Variants in ATAD3B observed in about 807,000 individuals in gnomAD.
ATAD3B encodes ATPase family AAA domain containing 3B.
ATAD3B carries 59 observed loss-of-function variants against 70.2 expected under a neutral mutation model. The observed-to-expected ratio is 0.84, with a 90% CI of 0.68 to 1.04. The LOEUF (loss-of-function observed/expected upper bound fraction) is 1.04. Ranked by LOEUF, ATAD3B falls within the 50% of genes least tolerant of loss-of-function variation. The pLI is 0.00. For missense variants in ATAD3B, 961 were observed against 913.4 expected, an observed-to-expected ratio of 1.05 and a Z score of -0.67; for synonymous variants, 423 against 388.6, an observed-to-expected ratio of 1.09 and a Z score of -1.04.
At chr1:1,479,608 A>AC (rs1484611317) in intron 4 of ATAD3B, among the ~76,000 whole-genome samples, 2 of 139,602 alleles carry the variant, frequency 1.4e-5, no homozygotes, top group East Asian at 2.2e-4. Flanking sequence ...CTGCACATAC[A>AC]CCCCCACACA....
chr1:1,495,453 C>G, intron 15 of ATAD3B, 32 bp from the exon 16 acceptor site: 1 of 1,565,708 alleles, frequency 6.4e-7, no homozygotes, highest in Non-Finnish European at 8.7e-7. Context: ...GTTCCCATAG[C>G]GGCCTCCCTC....
intron 12 of ATAD3B, among the ~76,000 whole-genome samples, chr1:1,488,180 C>T (rs1640338333): frequency 6.6e-6 from 1 of 151,976 alleles, no homozygotes; most frequent in African/African-American, 2.4e-5. Context: ...TGGTCAAGAA[C>T]TCCTGATCTC....
At chr1:1,477,475 C>G (rs566027894) in intron 2 of ATAD3B, 125 bp downstream of exon 2, 11 of 1,469,038 alleles carry the variant, frequency 7.5e-6, no homozygotes, top group Non-Finnish European at 1.0e-5. Flanking sequence ...GGGCCAGGGC[C>G]GAGCTTGGGC....
At chr1:1,508,061 C>A in the ATAD3B span, among the ~76,000 whole-genome samples, 87 of 152,334 alleles carry the variant, frequency 5.7e-4, no homozygotes, top group Middle Eastern at 3.4e-3. Context: ...TAGCCCCTTT[C>A]CTCTGCTGGG....
At chr1:1,503,696 C>A in the ATAD3B span, 7 of 1,607,784 alleles carry the variant, frequency 4.4e-6, no homozygotes, top group South Asian at 4.4e-5. Flanking sequence ...GAGGCCGGGG[C>A]GCACATGGGG....
At chr1:1,492,715 G>T (rs888741308) in intron 15 of ATAD3B, among the ~76,000 whole-genome samples, 8 of 151,504 alleles carry the variant, frequency 5.3e-5, no homozygotes, top group Non-Finnish European at 7.4e-5. Context: ...CGAGGTGGGC[G>T]GATCACGGGG....
At chr1:1,485,995 G>C in intron 9 of ATAD3B, 115 bp from the exon 10 acceptor site, 2 of 1,589,538 alleles carry the variant, frequency 1.3e-6, no homozygotes, top group Non-Finnish European at 1.7e-6. Flanking sequence ...GGCTGCCCAC[G>C]AGCTGGGCGG....
chr1:1,492,408 C>A (rs372304322), intron 15 of ATAD3B, among the ~76,000 whole-genome samples: 1 of 151,650 alleles, frequency 6.6e-6, no homozygotes, highest in Admixed American at 6.6e-5. Context: ...ATTGCTTGAA[C>A]CCACGAGGCA....
Position 1,489,274 on chromosome 1 carries a change from A to C in ATAD3B, c.1337A>C (p.Lys446Thr). 1.2e-6 allele frequency: 2 copies of C among 1,613,472 alleles called. No individual in the cohort carries two copies. The highest frequency in any genetic ancestry group is 1.7e-6 in the Non-Finnish European group (2 of 1,179,628). The change falls in exon 13 of 16, where the codon AAA becomes ACA. Residue 446 changes from lysine to threonine, a missense_variant and splice_region_variant. Lys to Thr is a moderately conservative substitution (Grantham distance 78). This residue lies in a region of ATAD3B where 417 missense variants were observed against 335.0 expected (regional missense o/e 1.24). Coordinates refer to ENST00000673477, the MANE Select transcript of ATAD3B (RefSeq NM_031921.6). ...TACCACATGGGCCAACACAGCAACA[A>C]GTGAGGGAGCCCCTCGGGTCCTGAG... is the stretch of plus-strand genomic sequence containing the variant. The part of the protein sequence containing the change: ...FLYHMGQHSN[K>T]FMLVLASNLP...
At chr1:1,476,891 C>T (rs1290523889) in intron 1 of ATAD3B, among the ~76,000 whole-genome samples, 2 of 152,024 alleles carry the variant, frequency 1.3e-5, no homozygotes, top group African/African-American at 4.8e-5. Flanking sequence ...GCTGCAAGCT[C>T]TGCCTCCCAG....
the ATAD3B span, chr1:1,503,538 C>T: frequency 7.6e-6 from 12 of 1,574,934 alleles, no homozygotes; most frequent in African/African-American, 1.2e-4. Flanking sequence ...TGCCCAGCGG[C>T]ATCCGTGTAT....
At position 1,477,362 on chromosome 1, in the gene ATAD3B, C is replaced by T. The variant is rs112970587; in HGVS notation, c.282+12C>T. 44 of 1,611,814 alleles carry T rather than the reference C, an allele frequency of 2.7e-5. 1 individual carries two copies. The highest frequency in any genetic ancestry group is 4.5e-5 in the East Asian group (2 of 44,890). On this transcript the variant is annotated intron_variant, in intron 2 of 15. Transcript: ENST00000673477. ...AGTCCAAGCTCAAAGTGAGTGGGGC[C>T]GGTGTGGGCGAGGAGGCCGGGGCGC...
At chr1:1,479,405 C>T (rs1347376520) in intron 4 of ATAD3B, among the ~76,000 whole-genome samples, 1 of 145,730 alleles carries the variant, frequency 6.9e-6, no homozygotes, top group African/African-American at 2.6e-5. Flanking sequence ...GGCACACACA[C>T]ACCCCTGCAC....
At chr1:1,492,153 T>C (rs1640569929) in intron 15 of ATAD3B, among the ~76,000 whole-genome samples, 1 of 151,864 alleles carries the variant, frequency 6.6e-6, no homozygotes, top group African/African-American at 2.4e-5. Flanking sequence ...GCCACTGCAC[T>C]CCAGCCTGGG....
downstream of ATAD3B, among the ~76,000 whole-genome samples, chr1:1,502,846 T>G (rs1557442557): frequency 6.6e-6 from 1 of 151,734 alleles, no homozygotes; most frequent in East Asian, 1.9e-4. Flanking sequence ...TTACTTTTGT[T>G]GAAAACCTTG....
chr1:1,488,324 C>G (rs566396439), intron 12 of ATAD3B, among the ~76,000 whole-genome samples: 2 of 152,114 alleles, frequency 1.3e-5, no homozygotes, highest in East Asian at 1.9e-4. Flanking sequence ...ATCTCCAGCT[C>G]AAGCAGTCCT....
intron 15 of ATAD3B, 136 bp downstream of exon 15, chr1:1,490,807 CA>C: frequency 6.8e-7 from 1 of 1,471,174 alleles, no homozygotes; most frequent in Non-Finnish European, 9.0e-7. Context: ...AGACGTGACA[CA>C]GGGCCCCCTG....
intron 15 of ATAD3B, among the ~76,000 whole-genome samples, chr1:1,493,520 T>C (rs1640636993): frequency 6.6e-6 from 1 of 151,906 alleles, no homozygotes; most frequent in African/African-American, 2.4e-5. Context: ...TTTCACCATG[T>C]TGGCCAGGCT....
At chr1:1,488,906 A>C (rs903699081) in intron 12 of ATAD3B, among the ~76,000 whole-genome samples, 2 of 151,798 alleles carry the variant, frequency 1.3e-5, no homozygotes, top group Non-Finnish European at 2.9e-5. Flanking sequence ...TTGAGATTAC[A>C]GGTGTGCCAC....
Sources: allele counts gnomAD v4.1 joint callset (sites outside exome capture counted in the v4.1 genomes callset), GRCh38; gene constraint gnomAD v4.1.1; regional missense constraint gnomAD v4.1.1; transcripts MANE v1.5; gene names NCBI Gene and HGNC (gene_info 2026-07-23, HGNC 2026-07-21).